Variants in AVEN observed in about 807,000 individuals in gnomAD.
AVEN encodes the protein cell death regulator Aven.
Under a neutral mutation model 38.1 loss-of-function variants are expected in AVEN, and 41 were observed. The observed-to-expected ratio is 1.08, with a 90% CI of 0.84 to 1.40. The LOEUF is 1.40. Among genes scored for constraint, AVEN ranks in the 40% most tolerant of loss-of-function variants. AVEN has a pLI of 0.00. For synonymous variants in AVEN, 206 were observed against 171.8 expected (o/e 1.20, Z -1.56); for missense variants, 605 against 438.8 (o/e 1.38, Z -3.38).
At position 34,003,106 on chromosome 15, in the gene AVEN, A is replaced by G. The variant is rs776865110; in HGVS notation, c.371T>C (p.Ile124Thr). The G allele has an allele frequency of 5.0e-6, 8 of 1,613,808 alleles. No individual in the cohort carries two copies. The highest frequency in any genetic ancestry group is 1.6e-4 in the Middle Eastern group (1 of 6,082). Reference protein sequence around the residue: ...IVSNWDRYQDIEKEVNNESGE... With the variant: ...IVSNWDRYQDTEKEVNNESGE... ...ACTTTCATTATTGACCTCTTTTTCA[A>G]TATCTTGATATCGATCCCAGTTAGA... The change falls in exon 2 of 6, where the codon ATT (isoleucine) becomes ACT (threonine). Residue 124 changes from isoleucine to threonine, a missense_variant. Coordinates refer to ENST00000306730, the MANE Select transcript of AVEN (RefSeq NM_020371.3).
chr15:34,073,667 C>T (rs1900677228), intron 1 of AVEN, among the ~76,000 whole-genome samples: 1 of 151,806 alleles, frequency 6.6e-6, no homozygotes, highest in Non-Finnish European at 1.5e-5. Context: ...ATAACAGGTG[C>T]ACACCACCAC....
At chr15:33,861,279 G>C, downstream of AVEN, 1 of 771,898 alleles carries the variant, frequency 1.3e-6, no homozygotes, top group Non-Finnish European at 2.1e-6. Context: ...TAACCAGAAA[G>C]GAACTTCCAG....
intron 1 of AVEN, among the ~76,000 whole-genome samples, chr15:34,032,918 C>G (rs1272153289): frequency 6.6e-6 from 1 of 152,130 alleles, no homozygotes; most frequent in Non-Finnish European, 1.5e-5. Flanking sequence ...GATGGAGAAC[C>G]TAATACAGTC....
At chr15:33,974,502 T>C (rs1024791946) in intron 2 of AVEN, among the ~76,000 whole-genome samples, 1 of 152,194 alleles carries the variant, frequency 6.6e-6, no homozygotes, top group Non-Finnish European at 1.5e-5. Flanking sequence ...CCTCAACCCC[T>C]ATGATAGAAA....
At chr15:33,933,094 T>C (rs1893912370) in intron 2 of AVEN, among the ~76,000 whole-genome samples, 1 of 152,188 alleles carries the variant, frequency 6.6e-6, no homozygotes, top group Non-Finnish European at 1.5e-5. Context: ...GCATTGCCTT[T>C]ACAAACAGAA....
intron 3 of AVEN, among the ~76,000 whole-genome samples, chr15:33,873,395 CG>C (rs1597175759): frequency 1.3e-5 from 2 of 150,422 alleles, no homozygotes; most frequent in East Asian, 3.9e-4. Context: ...CCACTGCGCC[CG>C]CCCCCTCTCT....
chr15:34,021,719 G>T (rs1898207423), intron 1 of AVEN, among the ~76,000 whole-genome samples: 1 of 152,090 alleles, frequency 6.6e-6, no homozygotes, highest in Non-Finnish European at 1.5e-5. Context: ...ACTGGACATG[G>T]TGGCAGGTGC....
At chr15:34,002,028 TAAAG>T (rs991822631) in intron 2 of AVEN, among the ~76,000 whole-genome samples, 1 of 152,200 alleles carries the variant, frequency 6.6e-6, no homozygotes, top group African/African-American at 2.4e-5. Context: ...CACACAGTTA[TAAAG>T]AAATAATACA....
At chr15:33,881,630 G>A (rs1169262716) in intron 2 of AVEN, among the ~76,000 whole-genome samples, 1 of 152,166 alleles carries the variant, frequency 6.6e-6, no homozygotes, top group African/African-American at 2.4e-5. Context: ...AGTCTTTCTA[G>A]AAAACATATT....
chr15:33,950,454 A>G (rs1008131107), intron 2 of AVEN, among the ~76,000 whole-genome samples: 1 of 152,230 alleles, frequency 6.6e-6, no homozygotes, highest in African/African-American at 2.4e-5. Context: ...TACACCTTAA[A>G]TAGATACAAT....
chr15:33,872,402 T>A (rs1461946330), intron 3 of AVEN, among the ~76,000 whole-genome samples: 1 of 152,096 alleles, frequency 6.6e-6, no homozygotes, highest in African/African-American at 2.4e-5. Flanking sequence ...GACTATTACA[T>A]CCTCCTCAGA....
intron 5 of AVEN, among the ~76,000 whole-genome samples, chr15:34,052,417 T>C (rs1020050637): frequency 1.3e-5 from 2 of 152,182 alleles, no homozygotes; most frequent in East Asian, 3.8e-4. Context: ...GCTGGAAGCA[T>C]TCCCCATGAA....
intron 5 of AVEN, among the ~76,000 whole-genome samples, chr15:34,045,006 C>T (rs1021311302): frequency 6.6e-6 from 1 of 152,122 alleles, no homozygotes; most frequent in South Asian, 2.1e-4. Flanking sequence ...CGAGATCGTG[C>T]CACTGCACTC....
chr15:34,010,629 TA>T (rs1168359743), intron 1 of AVEN, among the ~76,000 whole-genome samples: 3 of 152,174 alleles, frequency 2.0e-5, no homozygotes, highest in African/African-American at 7.2e-5. Flanking sequence ...AAAGGTAAAT[TA>T]TATCATAGAG....
intron 5 of AVEN, among the ~76,000 whole-genome samples, chr15:34,054,233 G>A (rs1900046212): frequency 1.3e-5 from 2 of 152,180 alleles, no homozygotes; most frequent in South Asian, 4.1e-4. Context: ...GCTGGTGGGA[G>A]TGTAAATTAG....
chr15:33,910,820 G>C (rs1489239741), intron 2 of AVEN, among the ~76,000 whole-genome samples: 1 of 152,158 alleles, frequency 6.6e-6, no homozygotes, highest in Non-Finnish European at 1.5e-5. Context: ...TCCCAACGGA[G>C]AGTTAAGGGG....
chr15:33,940,970 CAG>C (rs1894298975), intron 2 of AVEN, among the ~76,000 whole-genome samples: 1 of 152,202 alleles, frequency 6.6e-6, no homozygotes, highest in Non-Finnish European at 1.5e-5. Flanking sequence ...GGTTTCTTTA[CAG>C]AGTATTAGTT....
At chr15:33,930,570 T>C (rs1344358611) in intron 2 of AVEN, among the ~76,000 whole-genome samples, 4 of 152,202 alleles carry the variant, frequency 2.6e-5, no homozygotes, top group African/African-American at 9.6e-5. Context: ...TATACTTTCT[T>C]ACGAAATCTA....
chr15:34,049,176 C>G (rs1222028539), intron 5 of AVEN, among the ~76,000 whole-genome samples: 9 of 152,212 alleles, frequency 5.9e-5, no homozygotes, highest in Non-Finnish European at 1.0e-4. Context: ...ACCTCTCCAG[C>G]AAAGGCACAG....
Sources: gnomAD v4.1 joint callset for allele counts (sites outside exome capture counted in the v4.1 genomes callset) on GRCh38, gnomAD v4.1.1 for gene constraint, MANE v1.5 for transcripts, NCBI Gene and HGNC (gene_info 2026-07-23, HGNC 2026-07-21) for gene names.